The following DISC1 variants were observed in gnomAD, a reference collection of about 807,000 sequenced individuals.
DISC1 encodes the protein DISC1 scaffold protein.
A neutral mutation model predicts 84.5 loss-of-function variants in DISC1; 57 were observed. That is an observed-to-expected ratio of 0.67 (90% CI 0.55 to 0.84). The LOEUF (loss-of-function observed/expected upper bound fraction) is 0.84. Ranked by LOEUF, DISC1 falls within the 40% of genes least tolerant of loss-of-function variation. The probability of loss-of-function intolerance (pLI) is 0.00; values close to 1 mark genes in which losing one functional copy is unlikely to be tolerated. For synonymous variants in DISC1, 411 were observed against 415.2 expected (o/e 0.99, Z 0.12); for missense variants, 1,000 against 1,057.8 (o/e 0.95, Z 0.76).
chr1:232,026,346 C>A, intron 11 of DISC1, 89 bp from the exon 12 acceptor site: 1 of 847,754 alleles, frequency 1.2e-6, no homozygotes. Flanking sequence ...GGTGCAGAAA[C>A]TGGGAGAGCT....
At chr1:231,945,652 C>G (rs1339833636) in intron 9 of DISC1, among the ~76,000 whole-genome samples, 1 of 152,048 alleles carries the variant, frequency 6.6e-6, no homozygotes, top group Non-Finnish European at 1.5e-5. Flanking sequence ...AAAAACCTTT[C>G]AAAAAATCAA....
chr1:231,854,556 C>T (rs1170963142), intron 9 of DISC1, among the ~76,000 whole-genome samples: 1 of 152,090 alleles, frequency 6.6e-6, no homozygotes, highest in Non-Finnish European at 1.5e-5. Flanking sequence ...AGCCTCTCCT[C>T]CTGCTGTTAA....
chr1:231,682,466 A>G (rs112418389), intron 1 of DISC1, among the ~76,000 whole-genome samples: 1,556 of 152,238 alleles, frequency 0.01, 34 homozygotes, highest in African/African-American at 0.036. Context: ...ATGGTATAGC[A>G]CGGTTAAAGT....
chr1:231,748,644 T>C (rs1298261428), intron 3 of DISC1, among the ~76,000 whole-genome samples: 2 of 152,250 alleles, frequency 1.3e-5, no homozygotes, highest in African/African-American at 2.4e-5. Context: ...TGTTTGCTGA[T>C]ATTCTGTTGA....
chr1:232,013,042 G>A (rs1314764763), intron 11 of DISC1, among the ~76,000 whole-genome samples: 1 of 152,146 alleles, frequency 6.6e-6, no homozygotes, highest in African/African-American at 2.4e-5. Context: ...TTGAATGGGG[G>A]CCAGACAGGA....
chr1:231,680,148 AAC>A (rs2063546000), intron 1 of DISC1, among the ~76,000 whole-genome samples: 1 of 152,200 alleles, frequency 6.6e-6, no homozygotes, highest in South Asian at 2.1e-4. Context: ...GAATTGCTTG[AAC>A]ACAGGGGGCG....
chr1:231,766,667 G>T (rs2076199043), intron 4 of DISC1, among the ~76,000 whole-genome samples: 1 of 152,078 alleles, frequency 6.6e-6, no homozygotes, highest in African/African-American at 2.4e-5. Flanking sequence ...TAAAGATCTT[G>T]TTATATTTCC....
chr1:231,783,050 G>A (rs370522831), intron 6 of DISC1, among the ~76,000 whole-genome samples: 1 of 152,256 alleles, frequency 6.6e-6, no homozygotes, highest in South Asian at 2.1e-4. Flanking sequence ...CAGAATAAAG[G>A]GAGGGTAGTA....
chr1:231,938,601 A>G (rs540937098), intron 9 of DISC1, among the ~76,000 whole-genome samples: 29 of 152,330 alleles, frequency 1.9e-4, no homozygotes, highest in Admixed American at 1.5e-3. Context: ...GAGACTGAGC[A>G]GAGAGCCAGC....
At position 231,694,179 on chromosome 1, in the gene DISC1, G is replaced by T. The variant is rs1256037965; in HGVS notation, c.421G>T (p.Ala141Ser). 1.2e-6 allele frequency: 2 copies of T among 1,614,214 alleles called. No homozygotes were observed. The highest frequency in any genetic ancestry group is 1.7e-6 in the Non-Finnish European group (2 of 1,180,040). ...TAGCTGGCCGTGTGGCCCTGGGAGT[G>T]CTGGGTGGCAGCAAGAGTTTGCAGC... ...RLSWPCGPGSAGWQQEFAAMD... is the reference protein window; with the variant it reads ...RLSWPCGPGSSGWQQEFAAMD... Residue 141 changes from alanine (A) to serine (S), a missense_variant, in exon 2 of 13, where the codon GCT (alanine) becomes TCT (serine). By Grantham distance (99) the Ala-to-Ser change is moderately conservative. Transcript: ENST00000439617.
chr1:231,916,621 C>G (rs963083275), intron 9 of DISC1, among the ~76,000 whole-genome samples: 18 of 145,520 alleles, frequency 1.2e-4, no homozygotes, highest in African/African-American at 4.6e-4. Context: ...CGCCACTGCA[C>G]TCCAGCCTGG....
At chr1:231,724,580 G>A (rs1403436667) in intron 3 of DISC1, among the ~76,000 whole-genome samples, 2 of 152,146 alleles carry the variant, frequency 1.3e-5, no homozygotes, top group Non-Finnish European at 2.9e-5. Flanking sequence ...TTCCCCCAAA[G>A]GCAGTCTCTC....
chr1:231,720,070 CCT>C (rs1349086569), intron 3 of DISC1, among the ~76,000 whole-genome samples: 3 of 152,050 alleles, frequency 2.0e-5, no homozygotes, highest in Non-Finnish European at 4.4e-5. Flanking sequence ...TGAAGCAGCC[CCT>C]GTTTGCTACC....
chr1:231,784,878 C>T (rs200292202), intron 6 of DISC1, among the ~76,000 whole-genome samples: 1 of 152,190 alleles, frequency 6.6e-6, no homozygotes, highest in Non-Finnish European at 1.5e-5. Context: ...CTGGCTTTCC[C>T]AGAAGTAAAG....
chr1:231,791,398 C>T (rs964313383), intron 6 of DISC1, among the ~76,000 whole-genome samples: 2 of 152,138 alleles, frequency 1.3e-5, no homozygotes, highest in African/African-American at 4.8e-5. Context: ...TTACTTAAAC[C>T]TCTCTTAGTC....
chr1:231,811,579 A>C (rs950811283), intron 8 of DISC1, among the ~76,000 whole-genome samples: 4 of 152,226 alleles, frequency 2.6e-5, no homozygotes, highest in Non-Finnish European at 5.9e-5. Context: ...AAAGTAGATA[A>C]TCTTAGGAGG....
At chr1:231,866,137 C>T (rs1007077913) in intron 9 of DISC1, among the ~76,000 whole-genome samples, 1 of 152,062 alleles carries the variant, frequency 6.6e-6, no homozygotes, top group Admixed American at 6.5e-5. Context: ...TGGCCCACAT[C>T]CCCCCAGGGC....
At position 232,009,704 on chromosome 1, in the gene DISC1, C is replaced by T. The variant is rs907794732; in HGVS notation, c.2307+655C>T. Reference sequence around the variant, plus strand: ...CTCTCTCCCTTCCCCTTCCACTCCTCACTTTCCTCCTCCCACCCTAACAAG... The same window carrying T: ...CTCTCTCCCTTCCCCTTCCACTCCTTACTTTCCTCCTCCCACCCTAACAAG... On this transcript the variant is annotated intron_variant, in intron 11 of 12. Transcript: ENST00000439617. This position sits in a 1 kb window ranked among gnomAD's most constrained non-coding sequence, Gnocchi z 4.6. 3 of 662,812 alleles carry T rather than the reference C, an allele frequency of 4.5e-6. No individual in the cohort carries two copies. In the African/African-American group the frequency reaches 5.9e-5, roughly 13 times the overall value. The allele number at this position is 662,812 out of a possible 1,614,324, so 41.1% of individuals were successfully genotyped here.
At chr1:231,633,138 G>A (rs1381925253) in intron 1 of DISC1, among the ~76,000 whole-genome samples, 2 of 152,182 alleles carry the variant, frequency 1.3e-5, no homozygotes, top group Non-Finnish European at 1.5e-5. Flanking sequence ...AATGTCAATG[G>A]ATCCTTAAGA....
Sources: gnomAD v4.1 joint callset for allele counts (sites outside exome capture counted in the v4.1 genomes callset) on GRCh38, gnomAD v4.1.1 for gene constraint, Gnocchi (gnomAD v3.1) non-coding constraint, MANE v1.5 for transcripts, NCBI Gene and HGNC (gene_info 2026-07-23, HGNC 2026-07-21) for gene names.